The following ASCC3 variants were observed in gnomAD, a reference collection of about 807,000 sequenced individuals.
The protein encoded by ASCC3 is ASC-1 complex subunit P200.
ASCC3 carries 158 observed loss-of-function variants against 256.3 expected under a neutral mutation model. That is an observed-to-expected ratio of 0.62 (90% CI 0.54 to 0.70). ASCC3 has a LOEUF of 0.70. ASCC3 is among the 30% of genes least tolerant of loss of function. ASCC3 has a pLI of 0.00. For missense variants in ASCC3, 2,259 were observed against 2,626.0 expected, an observed-to-expected ratio of 0.86 and a Z score of 3.05; for synonymous variants, 948 against 883.4, an observed-to-expected ratio of 1.07 and a Z score of -1.30.
chr6:100,524,294 T>C (rs1774454301), intron 37 of ASCC3, among the ~76,000 whole-genome samples: 1 of 152,164 alleles, frequency 6.6e-6, no homozygotes, highest in Non-Finnish European at 1.5e-5. Flanking sequence ...TGTATTTAAT[T>C]CATTATTGTC....
chr6:100,582,951 T>C (rs1244187433), intron 36 of ASCC3, among the ~76,000 whole-genome samples: 1 of 152,182 alleles, frequency 6.6e-6, no homozygotes, highest in African/African-American at 2.4e-5. Flanking sequence ...TTGATCATGG[T>C]GGATAAGCTT....
intron 29 of ASCC3, among the ~76,000 whole-genome samples, chr6:100,626,308 A>C (rs564714861): frequency 4.6e-5 from 7 of 152,164 alleles, no homozygotes; most frequent in Admixed American, 1.3e-4. Context: ...TTCTTGTTTG[A>C]AATGTGAGCT....
intron 10 of ASCC3, among the ~76,000 whole-genome samples, chr6:100,728,233 AAAG>A (rs1238702133): frequency 1.3e-5 from 2 of 152,062 alleles, no homozygotes; most frequent in East Asian, 1.9e-4. Flanking sequence ...AAAACACAAA[AAAG>A]AAGGGGGGAA....
chr6:100,652,647 A>T (rs1032816991), intron 18 of ASCC3, 78 bp downstream of exon 18: 18 of 1,407,412 alleles, frequency 1.3e-5, no homozygotes, highest in Non-Finnish European at 1.7e-5. Flanking sequence ...TGCTTTCATT[A>T]TTTTACATTA....
chr6:100,727,721 C>T (rs1779706071), intron 10 of ASCC3, among the ~76,000 whole-genome samples: 2 of 151,750 alleles, frequency 1.3e-5, no homozygotes, highest in Non-Finnish European at 2.9e-5. Context: ...TTTTACTCTA[C>T]AAATAGTTAT....
chr6:100,742,773 C>T (rs1780497620), intron 10 of ASCC3, among the ~76,000 whole-genome samples: 1 of 152,224 alleles, frequency 6.6e-6, no homozygotes, highest in Non-Finnish European at 1.5e-5. Context: ...AGCCCCCATC[C>T]TCCTCACCCT....
intron 5 of ASCC3, among the ~76,000 whole-genome samples, chr6:100,802,603 T>C (rs1047417826): frequency 1.1e-4 from 16 of 151,974 alleles, no homozygotes; most frequent in Non-Finnish European, 1.5e-4. Context: ...ATAAAATTTA[T>C]GGAATCAACA....
chr6:100,550,280 T>C (rs761662606), intron 36 of ASCC3, among the ~76,000 whole-genome samples: 6 of 151,854 alleles, frequency 4.0e-5, no homozygotes, highest in Admixed American at 6.6e-5. Flanking sequence ...GCAACCTGCA[T>C]TGGGTCTACA....
At chr6:100,715,599 A>C (rs958845275) in intron 12 of ASCC3, 66 bp from the exon 13 acceptor site, 1 of 1,419,496 alleles carries the variant, frequency 7.0e-7, no homozygotes, top group Non-Finnish European at 9.7e-7. Flanking sequence ...CTACAAATAA[A>C]ATTTTGCCAA....
At chr6:100,733,981 G>C (rs1780025922) in intron 10 of ASCC3, among the ~76,000 whole-genome samples, 1 of 152,148 alleles carries the variant, frequency 6.6e-6, no homozygotes, top group South Asian at 2.1e-4. Flanking sequence ...ACTGTGCCCT[G>C]TCTTATGATA....
At chr6:100,834,628 A>C (rs1483125098) in intron 4 of ASCC3, among the ~76,000 whole-genome samples, 1 of 152,226 alleles carries the variant, frequency 6.6e-6, no homozygotes, top group East Asian at 1.9e-4. Flanking sequence ...AGACAGATAT[A>C]AGAAAGAGGC....
intron 37 of ASCC3, among the ~76,000 whole-genome samples, chr6:100,521,445 T>C (rs1404290111): frequency 6.6e-6 from 1 of 152,208 alleles, no homozygotes; most frequent in African/African-American, 2.4e-5. Flanking sequence ...AGTTTTGCTG[T>C]CACACCTCAA....
Position 100,679,815 on chromosome 6 carries a change from C to T in ASCC3, c.2152-63G>A, listed in dbSNP as rs559352476. Reference sequence around the variant, plus strand: ...TAATTAAATTACAGCTTAATAGTAGCCTGGATATCATTCCATATAAACAAC... The same window carrying T: ...TAATTAAATTACAGCTTAATAGTAGTCTGGATATCATTCCATATAAACAAC... On this transcript the variant is annotated intron_variant, in intron 13 of 41. Coordinates refer to ENST00000369162, the MANE Select transcript of ASCC3 (RefSeq NM_006828.4). 1.6e-5 allele frequency: 24 copies of T among 1,532,604 alleles called. No individual in the cohort carries two copies. The African/African-American group carries it at 2.9e-4, about 18-fold the overall frequency. 94.9% of individuals were successfully genotyped at this position (1,532,604 alleles called of 1,614,324 possible). A position where few individuals can be genotyped will look rare whatever the true frequency, so the allele number is the denominator to read the frequency against.
intron 36 of ASCC3, among the ~76,000 whole-genome samples, chr6:100,580,057 T>C (rs1356981791): frequency 6.6e-6 from 1 of 152,130 alleles, no homozygotes; most frequent in Non-Finnish European, 1.5e-5. Flanking sequence ...TCGTCAGTTG[T>C]ATTTCTAGGT....
At chr6:100,742,578 C>T (rs1398880992) in intron 10 of ASCC3, among the ~76,000 whole-genome samples, 1 of 152,154 alleles carries the variant, frequency 6.6e-6, no homozygotes, top group East Asian at 1.9e-4. Flanking sequence ...GTGGCTGAAG[C>T]CCCCACAGGG....
At chr6:100,673,732 T>C (rs921681261) in intron 14 of ASCC3, among the ~76,000 whole-genome samples, 1 of 152,172 alleles carries the variant, frequency 6.6e-6, no homozygotes, top group African/African-American at 2.4e-5. Flanking sequence ...AGTACGTGAA[T>C]TTTGGTCACA....
intron 1 of ASCC3, among the ~76,000 whole-genome samples, chr6:100,871,076 T>TA (rs1773716556): frequency 6.6e-6 from 1 of 151,982 alleles, no homozygotes; most frequent in Non-Finnish European, 1.5e-5. Context: ...ACCACTGTCT[T>TA]AGAGATGATG....
intron 3 of ASCC3, chr6:100,859,207 GA>G (rs773828035): frequency 1.3e-6 from 1 of 779,694 alleles, no homozygotes; most frequent in South Asian, 1.3e-5. Context: ...TCACTTCTAG[GA>G]AAAAGTAGCC....
At chr6:100,795,776 G>A (rs1769581404) in intron 8 of ASCC3, among the ~76,000 whole-genome samples, 1 of 152,110 alleles carries the variant, frequency 6.6e-6, no homozygotes, top group Non-Finnish European at 1.5e-5. Flanking sequence ...AGGACAGTTA[G>A]GAATAGCATG....
Sources: gnomAD v4.1 joint callset for allele counts (sites outside exome capture counted in the v4.1 genomes callset) on GRCh38, gnomAD v4.1.1 for gene constraint, MANE v1.5 for transcripts, NCBI Gene and HGNC (gene_info 2026-07-23, HGNC 2026-07-21) for gene names.